The following NFATC2 variants were observed in gnomAD, a reference collection of about 807,000 sequenced individuals.
NFATC2 encodes nuclear factor of activated T-cells, cytoplasmic 2.
A neutral mutation model predicts 87.3 loss-of-function variants in NFATC2; 22 were observed. That is an observed-to-expected ratio of 0.25 (90% confidence interval 0.18 to 0.36). The LOEUF (loss-of-function observed/expected upper bound fraction) is 0.36, where lower values mean the gene tolerates loss of function less well. NFATC2 is among the 10% of genes least tolerant of loss of function. The pLI is 1.00. For missense variants in NFATC2, 1,149 were observed against 1,259.1 expected, an observed-to-expected ratio of 0.91 and a Z score of 1.32; for synonymous variants, 565 against 542.2, an observed-to-expected ratio of 1.04 and a Z score of -0.58.
intron 9 of NFATC2, among the ~76,000 whole-genome samples, chr20:51,401,867 C>T (rs1390742048): frequency 6.6e-6 from 1 of 150,992 alleles, no homozygotes. Flanking sequence ...AACAAATAGC[C>T]ATTACAGACA....
chr20:51,487,859 A>G (rs755701716), intron 3 of NFATC2, among the ~76,000 whole-genome samples: 48 of 151,810 alleles, frequency 3.2e-4, no homozygotes, highest in Non-Finnish European at 4.7e-4. Flanking sequence ...TCCACACTCT[A>G]TTTTGGGATT....
intron 6 of NFATC2, among the ~76,000 whole-genome samples, chr20:51,436,135 A>G (rs1010445054): frequency 2.0e-5 from 3 of 152,186 alleles, no homozygotes; most frequent in Admixed American, 1.3e-4. Context: ...GGATCTACCA[A>G]TTGGGTACTA....
At chr20:51,466,797 C>T (rs1378169687) in intron 5 of NFATC2, among the ~76,000 whole-genome samples, 2 of 152,138 alleles carry the variant, frequency 1.3e-5, no homozygotes, top group African/African-American at 2.4e-5. Context: ...CTGGGCTGGG[C>T]GCAGTGGCTC....
At chr20:51,545,188 G>A (rs764748450), upstream of NFATC2, among the ~76,000 whole-genome samples, 1 of 152,166 alleles carries the variant, frequency 6.6e-6, no homozygotes, top group Non-Finnish European at 1.5e-5. Context: ...AAGGAGAAAA[G>A]CTAGGAATGC....
intron 9 of NFATC2, among the ~76,000 whole-genome samples, chr20:51,426,256 A>G (rs756223418): frequency 8.5e-5 from 13 of 152,218 alleles, no homozygotes; most frequent in Non-Finnish European, 1.3e-4. Context: ...AGGGGAATGG[A>G]TCACCTGAGG....
intron 8 of NFATC2, among the ~76,000 whole-genome samples, chr20:51,434,979 C>T (rs1035362936): frequency 2.0e-5 from 3 of 152,208 alleles, no homozygotes; most frequent in African/African-American, 7.2e-5. Flanking sequence ...CTGACATCAG[C>T]TTACTTTGCA....
intron 5 of NFATC2, among the ~76,000 whole-genome samples, chr20:51,460,645 T>C (rs1373501115): frequency 6.6e-6 from 1 of 152,044 alleles, no homozygotes; most frequent in East Asian, 1.9e-4. Flanking sequence ...TCTTCTTTTT[T>C]TTTTTTTAAT....
chr20:51,420,198 A>G (rs530007627), intron 9 of NFATC2, among the ~76,000 whole-genome samples: 24 of 152,334 alleles, frequency 1.6e-4, no homozygotes, highest in African/African-American at 5.8e-4. Flanking sequence ...GAAGTTTTCC[A>G]GCTAACAGTA....
At chr20:51,513,001 T>C (rs1381932108) in intron 3 of NFATC2, among the ~76,000 whole-genome samples, 2 of 152,210 alleles carry the variant, frequency 1.3e-5, no homozygotes, top group South Asian at 4.1e-4. Context: ...AGTCCACTCT[T>C]TTCTCAATTT....
chr20:51,543,098 G>A (rs2076852581), upstream of NFATC2, among the ~76,000 whole-genome samples: 3 of 152,174 alleles, frequency 2.0e-5, no homozygotes, highest in Non-Finnish European at 4.4e-5. Flanking sequence ...TTCTATTGCA[G>A]ACCCGTGTCT....
intron 6 of NFATC2, among the ~76,000 whole-genome samples, chr20:51,438,760 T>C (rs915260124): frequency 2.0e-5 from 3 of 152,170 alleles, no homozygotes; most frequent in African/African-American, 4.8e-5. Context: ...CTGACAGCCA[T>C]AGAATTCCAG....
rs1450121771 is a variant in NFATC2 at position 51,432,582 on chromosome 20, G to A, written c.2207C>T (p.Ser736Leu). Reference sequence around the variant, plus strand: ...TTGCTGGTAGCGGGCGTCAGGGGATGAGAGCCCCGTGCGGAACTGCTGGCA... The same window carrying A: ...TTGCTGGTAGCGGGCGTCAGGGGATAAGAGCCCCGTGCGGAACTGCTGGCA... Reference protein sequence around the residue: ...APCQQFRTGLSSPDARYQQQN... With the variant: ...APCQQFRTGLLSPDARYQQQN... Residue 736 changes from serine (S) to leucine (L), a missense_variant, in exon 9 of 11, where the codon TCA (serine) becomes TTA (leucine). Ser to Leu is a moderately radical substitution (Grantham distance 145, BLOSUM62 -2). This residue lies in a region of NFATC2 where 581 missense variants were observed against 649.7 expected (regional missense o/e 0.89). Transcript: ENST00000371564. This position sits in a 1 kb window ranked among gnomAD's most constrained non-coding sequence, Gnocchi z 4.6. The A allele has an allele frequency of 2.6e-6, 4 of 1,532,976 alleles. No homozygotes were observed. Among genetic ancestry groups the A allele is most frequent in the African/African-American group, 2.8e-5 (2 of 72,272 alleles). 95.0% of individuals were successfully genotyped at this position (1,532,976 alleles called of 1,614,324 possible). A position where few individuals can be genotyped will look rare whatever the true frequency, so the allele number is the denominator to read the frequency against.
chr20:51,396,073 TATATATATATATATATATATAA>T (rs1221988991), intron 10 of NFATC2, among the ~76,000 whole-genome samples: 1 of 27,224 alleles, frequency 3.7e-5, no homozygotes, highest in African/African-American at 2.4e-4. Context: ...TATATATATA[TATATATATATATATATATATAA>T]GCTAATGGCA....
chr20:51,523,530 G>C lies in NFATC2; in HGVS notation c.711C>G (p.Pro237=), dbSNP rs140961170. The C allele has an allele frequency of 1.1e-5, 17 of 1,613,640 alleles. No homozygotes were observed. The highest frequency in any genetic ancestry group is 3.3e-5 in the Admixed American group (2 of 60,002). The change falls in exon 2 of 11, where the codon CCC becomes CCG. Residue 237 remains proline (P), a synonymous_variant. Transcript: ENST00000371564. The surrounding 1 kb of genome is among the most constrained non-coding windows in gnomAD (Gnocchi z 6.9). ...AGGAGCGGGAGGCCGGACGGGGCAC[G>C]GGCGAGTGGCGGCCCAGGCAGCTGT... The part of the protein sequence containing the change: ...AEDSCLGRHS[P]VPRPASRSSS...
intron 5 of NFATC2, among the ~76,000 whole-genome samples, chr20:51,473,284 G>A (rs1021661663): frequency 1.3e-5 from 2 of 152,036 alleles, no homozygotes; most frequent in African/African-American, 4.8e-5. Flanking sequence ...CCAACCCCTG[G>A]CATAGTGCAG....
intron 1 of NFATC2, 144 bp downstream of exon 1, chr20:51,542,226 C>G (rs984245124): frequency 9.4e-7 from 1 of 1,058,816 alleles, no homozygotes; most frequent in Non-Finnish European, 1.3e-6. Context: ...GACGCCTCCC[C>G]TCCCTGGCAC....
chr20:51,409,162 A>T (rs777183671), intron 9 of NFATC2, among the ~76,000 whole-genome samples: 3 of 152,240 alleles, frequency 2.0e-5, no homozygotes, highest in Non-Finnish European at 4.4e-5. Flanking sequence ...GCTTCAGAAG[A>T]CAATTTGGTA....
At chr20:51,500,166 T>A (rs1453282079) in intron 3 of NFATC2, among the ~76,000 whole-genome samples, 1 of 152,054 alleles carries the variant, frequency 6.6e-6, no homozygotes, top group African/African-American at 2.4e-5. Flanking sequence ...AATCCCTCAA[T>A]AAAATGATAA....
chr20:51,557,956 A>T (rs1292849479), intron 1 of NFATC2, among the ~76,000 whole-genome samples: 1 of 152,230 alleles, frequency 6.6e-6, no homozygotes, highest in African/African-American at 2.4e-5. Flanking sequence ...TGCAAGCAGC[A>T]CAGGACAGAG....
Sources: allele counts gnomAD v4.1 joint callset (sites outside exome capture counted in the v4.1 genomes callset), GRCh38; gene constraint gnomAD v4.1.1; regional missense constraint gnomAD v4.1.1; non-coding constraint Gnocchi (gnomAD v3.1); transcripts MANE v1.5; gene names NCBI Gene and HGNC (gene_info 2026-07-23, HGNC 2026-07-21).